Variants in IFNW1 observed in about 807,000 individuals in gnomAD.
IFNW1 encodes interferon omega-1.
For missense variants in IFNW1, 293 were observed against 227.7 expected (o/e 1.29, Z -1.84); for synonymous variants, 105 against 88.0 (o/e 1.19, Z -1.08).
In IFNW1 at chr9:21,140,941, A is replaced by G. The variant is rs1323277006; in HGVS notation, c.*42T>C. ...AGTCTTTTGAATTGACCAGAGTCAC[A>G]TGTGCAAGTGTTATATGGCAAATTA... On this transcript the variant is annotated 3_prime_UTR_variant, in exon 1 of 1. Coordinates refer to ENST00000380229, the MANE Select transcript of IFNW1 (RefSeq NM_002177.3). 1 of 1,352,894 alleles carries G rather than the reference A, an allele frequency of 7.4e-7. No homozygotes were observed. The highest frequency in any genetic ancestry group is 1.0e-6 in the Non-Finnish European group (1 of 966,780). The allele number at this position is 1,352,894 out of a possible 1,614,324, so 83.8% of individuals were successfully genotyped here. A position where few individuals can be genotyped will look rare whatever the true frequency, so the allele number is the denominator to read the frequency against.
chr9:21,140,941 A>C lies in IFNW1; in HGVS notation c.*42T>G. ...AGTCTTTTGAATTGACCAGAGTCAC[A>C]TGTGCAAGTGTTATATGGCAAATTA... is the stretch of plus-strand genomic sequence containing the variant. On this transcript the variant is annotated 3_prime_UTR_variant, in exon 1 of 1. Coordinates refer to ENST00000380229, the MANE Select transcript of IFNW1 (RefSeq NM_002177.3). The C allele has an allele frequency of 4.4e-6, 6 of 1,352,894 alleles. No individual in the cohort carries two copies. Among genetic ancestry groups the C allele is most frequent in the Non-Finnish European group, 6.2e-6 (6 of 966,780 alleles). The allele number at this position is 1,352,894 out of a possible 1,614,324, so 83.8% of individuals were successfully genotyped here.
At position 21,141,496 on chromosome 9, in the gene IFNW1, A is replaced by C; in HGVS notation, c.75T>G (p.Asp25Glu). ...SYSPVGSLGC[D>E]LPQNHGLLSR... ...TAAGTAGGCCATGGTTCTGAGGCAGATCACAGCCCAGAGATCCAACAGGGC... is the reference window on the plus strand; with the variant it reads ...TAAGTAGGCCATGGTTCTGAGGCAGCTCACAGCCCAGAGATCCAACAGGGC... The change falls in exon 1 of 1, where the codon GAT (aspartate) becomes GAG (glutamate). Residue 25 changes from aspartate to glutamate, a missense_variant. Coordinates refer to ENST00000380229, the MANE Select transcript of IFNW1 (RefSeq NM_002177.3). 6.2e-7 allele frequency: 1 copy of C among 1,613,852 alleles called. No individual in the cohort carries two copies. Among genetic ancestry groups the C allele is most frequent in the South Asian group, 1.1e-5 (1 of 91,036 alleles).
In IFNW1 at chr9:21,141,453, G is replaced by A. The variant is rs373678065; in HGVS notation, c.118C>T (p.Leu40Phe). 2 of 1,613,764 alleles carry A rather than the reference G, an allele frequency of 1.2e-6. No homozygotes were observed. Among genetic ancestry groups the A allele is most frequent in the Non-Finnish European group, 1.7e-6 (2 of 1,179,768 alleles). Residue 40 changes from leucine to phenylalanine, a missense_variant, in exon 1 of 1, where the codon CTT becomes TTT. By Grantham distance (22) the Leu-to-Phe change is conservative (BLOSUM62 0). Coordinates refer to ENST00000380229, the MANE Select transcript of IFNW1 (RefSeq NM_002177.3). Reference protein sequence around the residue: ...HGLLSRNTLVLLHQMRRISPF... With the variant: ...HGLLSRNTLVFLHQMRRISPF... ...GAGATTCTCCTCATTTGGTGCAGAA[G>A]CACCAAGGTGTTCCTGCTAAGTAGG...
Position 21,141,760 on chromosome 9 carries a change from A to G in IFNW1, c.-190T>C. The G allele has an allele frequency of 2.3e-6, 1 of 427,916 alleles. No homozygotes were observed. Among genetic ancestry groups the G allele is most frequent in the Admixed American group, 4.0e-5 (1 of 24,700 alleles). 26.5% of individuals were successfully genotyped at this position (427,916 alleles called of 1,614,324 possible). ...TTTGTGTGTTCTCCCTATGACCTTA[A>G]GAGGATGACAACAATCTATTAATTT... On this transcript the variant is annotated 5_prime_UTR_variant, in exon 1 of 1. Coordinates refer to ENST00000380229, the MANE Select transcript of IFNW1 (RefSeq NM_002177.3).
In IFNW1 at chr9:21,140,929, G is replaced by C. The variant is rs1434379163; in HGVS notation, c.*54C>G. 9.7e-6 allele frequency: 12 copies of C among 1,239,602 alleles called. No homozygotes were observed. The highest frequency in any genetic ancestry group is 1.3e-5 in the Non-Finnish European group (11 of 870,446). The allele number at this position is 1,239,602 out of a possible 1,614,324, so 76.8% of individuals were successfully genotyped here. ...AGCCGAAATAAGAGTCTTTTGAATT[G>C]ACCAGAGTCACATGTGCAAGTGTTA... On this transcript the variant is annotated 3_prime_UTR_variant, in exon 1 of 1. Transcript: ENST00000380229.
chr9:21,141,715 A>T lies in IFNW1; in HGVS notation c.-145T>A. 3.8e-6 allele frequency: 2 copies of T among 532,064 alleles called. No individual in the cohort carries two copies. The highest frequency in any genetic ancestry group is 6.3e-5 in the East Asian group (2 of 31,616). 33.0% of individuals were successfully genotyped at this position (532,064 alleles called of 1,614,324 possible). ...TTTCTGAACATTTCTCTGTACTTTC[A>T]GTTTCTTTTACTGTTTTCATTTGTG... On this transcript the variant is annotated 5_prime_UTR_variant, in exon 1 of 1. Coordinates refer to ENST00000380229, the MANE Select transcript of IFNW1 (RefSeq NM_002177.3).
chr9:21,141,766 T>C lies in IFNW1; in HGVS notation c.-196A>G. The C allele has an allele frequency of 2.5e-6, 1 of 407,816 alleles. No individual in the cohort carries two copies. The highest frequency in any genetic ancestry group is 4.5e-6 in the Non-Finnish European group (1 of 221,380). The allele number at this position is 407,816 out of a possible 1,614,324, so 25.3% of individuals were successfully genotyped here. On this transcript the variant is annotated 5_prime_UTR_variant, in exon 1 of 1. Coordinates refer to ENST00000380229, the MANE Select transcript of IFNW1 (RefSeq NM_002177.3). ...TGTTCTCCCTATGACCTTAAGAGGA[T>C]GACAACAATCTATTAATTTTGCATT...
Position 21,141,174 on chromosome 9 carries a change from C to T in IFNW1, c.397G>A (p.Ala133Thr). ...LLQVVGEGES[A>T]GAISSPALTL... The stretch of plus-strand genomic sequence containing the variant: ...AGTGCAGGGCTGCTAATTGCCCCAG[C>T]AGATTCTCCTTCTCCCACTACCTGC... The change falls in exon 1 of 1, where the codon GCT becomes ACT. Residue 133 changes from alanine to threonine, a missense_variant. Physicochemically the swap from Ala to Thr is moderately conservative, Grantham distance 58. Transcript: ENST00000380229. 6.2e-7 allele frequency: 1 copy of T among 1,614,200 alleles called. No individual in the cohort carries two copies. Among genetic ancestry groups the T allele is most frequent in the East Asian group, 2.2e-5 (1 of 44,890 alleles).
In IFNW1 at chr9:21,141,130, G is replaced by C; in HGVS notation, c.441C>G (p.Phe147Leu). ...CTTTCAGGTAGACACGGATTCCCTGGAAGTACCTCCTCAAGGTCAGTGCAG... is the reference window on the plus strand; with the variant it reads ...CTTTCAGGTAGACACGGATTCCCTGCAAGTACCTCCTCAAGGTCAGTGCAG... ...SSPALTLRRYFQGIRVYLKEK... is the reference protein window; with the variant it reads ...SSPALTLRRYLQGIRVYLKEK... The change falls in exon 1 of 1, where the codon TTC becomes TTG. Residue 147 changes from phenylalanine (F) to leucine (L), a missense_variant. By Grantham distance (22) the Phe-to-Leu change is conservative (BLOSUM62 0). Coordinates refer to ENST00000380229, the MANE Select transcript of IFNW1 (RefSeq NM_002177.3). 6.2e-7 allele frequency: 1 copy of C among 1,614,174 alleles called. No individual in the cohort carries two copies. The highest frequency in any genetic ancestry group is 8.5e-7 in the Non-Finnish European group (1 of 1,180,026).
chr9:21,140,792 A>G lies in IFNW1; in HGVS notation c.*191T>C. 1 of 453,102 alleles carries G rather than the reference A, an allele frequency of 2.2e-6. No homozygotes were observed. Among genetic ancestry groups the G allele is most frequent in the East Asian group, 3.4e-5 (1 of 29,820 alleles). 28.1% of individuals were successfully genotyped at this position (453,102 alleles called of 1,614,324 possible). On this transcript the variant is annotated 3_prime_UTR_variant, in exon 1 of 1. Transcript: ENST00000380229. The stretch of plus-strand genomic sequence containing the variant: ...TGTAAGAATAAATAAATGAGTAAAA[A>G]TAAATAACATCTTAGGGACTGATGC...
At position 21,141,759 on chromosome 9, in the gene IFNW1, A is replaced by C; in HGVS notation, c.-189T>G. On this transcript the variant is annotated 5_prime_UTR_variant, in exon 1 of 1. Coordinates refer to ENST00000380229, the MANE Select transcript of IFNW1 (RefSeq NM_002177.3). ...ATTTGTGTGTTCTCCCTATGACCTT[A>C]AGAGGATGACAACAATCTATTAATT... The C allele has an allele frequency of 2.3e-6, 1 of 430,068 alleles. No homozygotes were observed. Among genetic ancestry groups the C allele is most frequent in the Non-Finnish European group, 4.3e-6 (1 of 234,816 alleles). The allele number at this position is 430,068 out of a possible 1,614,324, so 26.6% of individuals were successfully genotyped here. A position where few individuals can be genotyped will look rare whatever the true frequency, so the allele number is the denominator to read the frequency against.
At chr9:21,141,419 A>T in the IFNW1 span, 10 of 1,613,992 alleles carry the variant, frequency 6.2e-6, no homozygotes, top group Admixed American at 1.0e-4. Context: ...CTTGAGACAC[A>T]AGAAAGGGGA....
In IFNW1 at chr9:21,140,940, C is replaced by T. The variant is rs779297329; in HGVS notation, c.*43G>A. On this transcript the variant is annotated 3_prime_UTR_variant, in exon 1 of 1. Transcript: ENST00000380229. The stretch of plus-strand genomic sequence containing the variant: ...GAGTCTTTTGAATTGACCAGAGTCA[C>T]ATGTGCAAGTGTTATATGGCAAATT... 7.4e-7 allele frequency: 1 copy of T among 1,344,532 alleles called. No individual in the cohort carries two copies. The highest frequency in any genetic ancestry group is 2.3e-5 in the East Asian group (1 of 43,444). The allele number at this position is 1,344,532 out of a possible 1,614,324, so 83.3% of individuals were successfully genotyped here. A position where few individuals can be genotyped will look rare whatever the true frequency, so the allele number is the denominator to read the frequency against.
At position 21,141,117 on chromosome 9, in the gene IFNW1, C is replaced by T. The variant is rs1368195880; in HGVS notation, c.454G>A (p.Val152Ile). 3 of 1,614,070 alleles carry T rather than the reference C, an allele frequency of 1.9e-6. No individual in the cohort carries two copies. Among genetic ancestry groups the T allele is most frequent in the Non-Finnish European group, 1.7e-6 (2 of 1,180,040 alleles). ...CTGTATTTCTTCTCTTTCAGGTAGACACGGATTCCCTGGAAGTACCTCCTC... is the reference window on the plus strand; with the variant it reads ...CTGTATTTCTTCTCTTTCAGGTAGATACGGATTCCCTGGAAGTACCTCCTC... ...TLRRYFQGIR[V>I]YLKEKKYSDC... Residue 152 changes from valine (V) to isoleucine (I), a missense_variant, in exon 1 of 1, where the codon GTC becomes ATC. By Grantham distance (29) the Val-to-Ile change is conservative (BLOSUM62 3). Coordinates refer to ENST00000380229, the MANE Select transcript of IFNW1 (RefSeq NM_002177.3).
chr9:21,141,404 C>T lies in IFNW1; in HGVS notation c.167G>A (p.Arg56Lys), dbSNP rs1315133406. 2 of 1,614,064 alleles carry T rather than the reference C, an allele frequency of 1.2e-6. No homozygotes were observed. ...CTCCTGGGGGAACCTGAAGTCTCTTCTGTCCTTGAGACACAAGAAAGGGGA... is the reference window on the plus strand; with the variant it reads ...CTCCTGGGGGAACCTGAAGTCTCTTTTGTCCTTGAGACACAAGAAAGGGGA... ...RISPFLCLKD[R>K]RDFRFPQEMV... Residue 56 changes from arginine to lysine, a missense_variant, in exon 1 of 1, where the codon AGA (arginine) becomes AAA (lysine). Arg to Lys is a conservative substitution (Grantham distance 26, BLOSUM62 2). Transcript: ENST00000380229.
At position 21,140,980 on chromosome 9, in the gene IFNW1, A is replaced by G. The variant is rs1172327207; in HGVS notation, c.*3T>C. 5 of 1,591,076 alleles carry G rather than the reference A, an allele frequency of 3.1e-6. No individual in the cohort carries two copies. In the South Asian group the frequency reaches 3.4e-5, roughly 11 times the overall value. ...TATGGCAAATTAATCAATGAGAATC[A>G]TTTCAAGATGAGCCCAGGTCTCTAT... On this transcript the variant is annotated 3_prime_UTR_variant, in exon 1 of 1. Coordinates refer to ENST00000380229, the MANE Select transcript of IFNW1 (RefSeq NM_002177.3).
Position 21,141,705 on chromosome 9 carries a change from C to G in IFNW1, c.-135G>C, listed in dbSNP as rs1456320786. ...TGGTTTTCATTTTCTGAACATTTCT[C>G]TGTACTTTCAGTTTCTTTTACTGTT... On this transcript the variant is annotated 5_prime_UTR_variant, in exon 1 of 1. Coordinates refer to ENST00000380229, the MANE Select transcript of IFNW1 (RefSeq NM_002177.3). The G allele has an allele frequency of 3.6e-6, 2 of 556,262 alleles. No homozygotes were observed. The highest frequency in any genetic ancestry group is 3.6e-5 in the Admixed American group (1 of 27,658). The allele number at this position is 556,262 out of a possible 1,614,324, so 34.5% of individuals were successfully genotyped here. A position where few individuals can be genotyped will look rare whatever the true frequency, so the allele number is the denominator to read the frequency against.
At position 21,141,010 on chromosome 9, in the gene IFNW1, A is replaced by C. The variant is rs973117984; in HGVS notation, c.561T>G (p.Ser187Arg). The C allele has an allele frequency of 8.1e-6, 13 of 1,613,100 alleles. No homozygotes were observed. The highest frequency in any genetic ancestry group is 1.1e-5 in the Non-Finnish European group (13 of 1,179,412). ...AAGATGAGCCCAGGTCTCTATCTTT[A>C]CTTCTCAGTCTTTCTTGCATGTTTG... ...LSTNMQERLR[S>R]KDRDLGSS Residue 187 changes from serine to arginine, a missense_variant, in exon 1 of 1, where the codon AGT (serine) becomes AGG (arginine). Transcript: ENST00000380229.
Position 21,141,145 on chromosome 9 carries a change from G to C in IFNW1, c.426C>G (p.Thr142=), listed in dbSNP as rs749140093. Residue 142 remains threonine (T), a synonymous_variant, in exon 1 of 1, where the codon ACC becomes ACG. Coordinates refer to ENST00000380229, the MANE Select transcript of IFNW1 (RefSeq NM_002177.3). ...SAGAISSPAL[T]LRRYFQGIRV... Reference sequence around the variant, plus strand: ...GGATTCCCTGGAAGTACCTCCTCAAGGTCAGTGCAGGGCTGCTAATTGCCC... The same window carrying C: ...GGATTCCCTGGAAGTACCTCCTCAACGTCAGTGCAGGGCTGCTAATTGCCC... 3.1e-6 allele frequency: 5 copies of C among 1,614,118 alleles called. No homozygotes were observed. Among genetic ancestry groups the C allele is most frequent in the African/African-American group, 1.3e-5 (1 of 75,008 alleles).
Sources: allele counts gnomAD v4.1 joint callset, GRCh38; gene constraint gnomAD v4.1.1; transcripts MANE v1.5; gene names NCBI Gene and HGNC (gene_info 2026-07-23, HGNC 2026-07-21).